THRAP3: variants seen among roughly 807,000 people sequenced by gnomAD.
The protein encoded by THRAP3 is thyroid hormone receptor-associated protein 3.
A neutral mutation model predicts 101.0 loss-of-function variants in THRAP3; 16 were observed. The observed-to-expected ratio is 0.16, with a 90% CI of 0.11 to 0.24. The LOEUF is 0.24. Ranked by LOEUF, THRAP3 falls within the 10% of genes least tolerant of loss-of-function variation. The pLI, the probability that THRAP3 is intolerant of heterozygous loss-of-function variation, is 1.00. For missense variants in THRAP3, 989 were observed against 1,202.7 expected, an observed-to-expected ratio of 0.82 and a Z score of 2.63; for synonymous variants, 407 against 422.6, an observed-to-expected ratio of 0.96 and a Z score of 0.45.
chr1:36,288,918 C>T (rs1228593470), intron 4 of THRAP3, 142 bp from the exon 5 acceptor site: 15 of 1,308,088 alleles, frequency 1.1e-5, no homozygotes, highest in South Asian at 8.2e-5. Flanking sequence ...ACGAAGTAAC[C>T]GCCTAGAAAG....
upstream of THRAP3, among the ~76,000 whole-genome samples, chr1:36,220,972 A>AAAAATAT (rs1285765741): frequency 4.2e-5 from 4 of 94,120 alleles, no homozygotes; most frequent in Admixed American, 1.4e-4. Context: ...AAAAAAAAAA[A>AAAAATAT]ATATATATAT....
At chr1:36,259,137 A>G (rs1645412254) in intron 1 of THRAP3, among the ~76,000 whole-genome samples, 1 of 152,202 alleles carries the variant, frequency 6.6e-6, no homozygotes, top group Non-Finnish European at 1.5e-5. Flanking sequence ...AGCACCTGAA[A>G]TATTGCCAGT....
At chr1:36,246,956 CATT>C (rs1645238860) in intron 1 of THRAP3, among the ~76,000 whole-genome samples, 1 of 152,168 alleles carries the variant, frequency 6.6e-6, no homozygotes, top group Non-Finnish European at 1.5e-5. Flanking sequence ...ACATTGTTCA[CATT>C]ATAACTTTTG....
At chr1:36,241,577 ATTTT>A (rs562173564) in intron 1 of THRAP3, among the ~76,000 whole-genome samples, 7 of 133,478 alleles carry the variant, frequency 5.2e-5, no homozygotes, top group African/African-American at 1.4e-4. Flanking sequence ...ATCCGCTAAA[ATTTT>A]TTTTTTTTTT....
chr1:36,250,131 T>C (rs11263868), intron 1 of THRAP3, among the ~76,000 whole-genome samples: 143,839 of 152,102 alleles, frequency 0.95, 68,552 homozygotes, highest in Middle Eastern at 1. Flanking sequence ...CTGGATATAT[T>C]ATCGACATTT....
At chr1:36,264,794 G>C (rs1315778832) in intron 2 of THRAP3, among the ~76,000 whole-genome samples, 1 of 151,948 alleles carries the variant, frequency 6.6e-6, no homozygotes, top group African/African-American at 2.4e-5. Context: ...AAATTGTGAA[G>C]ATATACAGAG....
upstream of THRAP3, among the ~76,000 whole-genome samples, chr1:36,223,400 T>C (rs1644919212): frequency 6.6e-6 from 1 of 152,194 alleles, no homozygotes; most frequent in South Asian, 2.1e-4. Flanking sequence ...CAGAAATCCA[T>C]CAAAACTGAT....
the THRAP3 span, among the ~76,000 whole-genome samples, chr1:36,215,813 G>A: frequency 1.3e-5 from 2 of 151,444 alleles, no homozygotes; most frequent in African/African-American, 4.9e-5. Context: ...GCAACGGCAC[G>A]ATCTCAGCTC....
chr1:36,231,839 T>C (rs1006919391), intron 1 of THRAP3, among the ~76,000 whole-genome samples: 5 of 152,200 alleles, frequency 3.3e-5, no homozygotes, highest in Non-Finnish European at 7.3e-5. Context: ...CTTGAAAGAC[T>C]ATCGGCTATC....
intron 1 of THRAP3, among the ~76,000 whole-genome samples, chr1:36,239,280 G>A (rs1298138035): frequency 1.9e-5 from 2 of 107,100 alleles, no homozygotes; most frequent in Admixed American, 2.4e-4. Context: ...TTTTTTTTGA[G>A]TCAGCTTCTC....
chr1:36,231,522 C>G (rs1382342439), intron 1 of THRAP3, among the ~76,000 whole-genome samples: 1 of 152,152 alleles, frequency 6.6e-6, no homozygotes, highest in Non-Finnish European at 1.5e-5. Context: ...GACATAACAA[C>G]TAAGGTTATT....
intron 1 of THRAP3, among the ~76,000 whole-genome samples, chr1:36,243,318 A>G (rs1409092356): frequency 2.0e-5 from 3 of 151,814 alleles, no homozygotes; most frequent in South Asian, 2.1e-4. Context: ...AAAGGTCTCT[A>G]GTTTTCCTAG....
At chr1:36,269,057 C>T (rs182503819) in intron 2 of THRAP3, among the ~76,000 whole-genome samples, 43 of 133,030 alleles carry the variant, frequency 3.2e-4, no homozygotes, top group African/African-American at 1.1e-3. Flanking sequence ...GAAAACAATA[C>T]ACAGAATTGG....
In THRAP3 at chr1:36,270,572, T is replaced by G. The variant is rs376687672; in HGVS notation, c.-32+11088T>G. Among the ~76,000 whole-genome samples the G allele has an allele frequency of 3.3e-3, 369 of 113,390 alleles. 11 individuals carry two copies. The highest frequency in any genetic ancestry group is 0.012 in the African/African-American group (331 of 28,052). 74.4% of individuals were successfully genotyped at this position (113,390 alleles called of 152,430 possible). A position where few individuals can be genotyped will look rare whatever the true frequency, so the allele number is the denominator to read the frequency against. ...AAAAATACAGTTCTATTTGTTTAGG[T>G]TTTTGTTTTTTTTTTTTTTTTTGAG... On this transcript the variant is annotated intron_variant, in intron 2 of 11. Coordinates refer to ENST00000354618, the MANE Select transcript of THRAP3 (RefSeq NM_005119.4).
rs767508291 is a variant in THRAP3 at position 36,293,894 on chromosome 1, G to T, written c.2074G>T (p.Ala692Ser). The change falls in exon 8 of 12, where the codon GCT (alanine) becomes TCT (serine). Residue 692 changes from alanine (A) to serine (S), a missense_variant. Transcript: ENST00000354618. The part of the protein sequence containing the change: ...SPSTFRKHGL[A>S]HDEMKSPREP... ...CAGTACATTCAGAAAACATGGTTTG[G>T]CTCATGATGAAATGAAAAGTCCCCG... 6.2e-7 allele frequency: 1 copy of T among 1,613,602 alleles called. No individual in the cohort carries two copies. Among genetic ancestry groups the T allele is most frequent in the Admixed American group, 1.7e-5 (1 of 59,968 alleles).
chr1:36,229,656 T>C (rs7417072), intron 1 of THRAP3, among the ~76,000 whole-genome samples: 2 of 126,616 alleles, frequency 1.6e-5, no homozygotes, highest in African/African-American at 5.1e-5. Flanking sequence ...TTTGTTCGTT[T>C]GTTTGTTTGT....
At chr1:36,223,906 CCTTA>C (rs1399635399), upstream of THRAP3, among the ~76,000 whole-genome samples, 2 of 152,188 alleles carry the variant, frequency 1.3e-5, no homozygotes, top group Non-Finnish European at 1.5e-5. Context: ...CTTTCCTGTG[CCTTA>C]CTTTGTCGGA....
upstream of THRAP3, among the ~76,000 whole-genome samples, chr1:36,221,044 G>C (rs1198334491): frequency 1.4e-4 from 20 of 144,552 alleles, no homozygotes; most frequent in Non-Finnish European, 1.8e-4. Flanking sequence ...TTTTAGCTCA[G>C]CATGGTGGTA....
At chr1:36,235,604 A>C (rs1388111979) in intron 1 of THRAP3, among the ~76,000 whole-genome samples, 1 of 152,180 alleles carries the variant, frequency 6.6e-6, no homozygotes, top group Non-Finnish European at 1.5e-5. Flanking sequence ...GTGACAAAAA[A>C]ATATGATGAT....
Sources: allele counts gnomAD v4.1 joint callset (sites outside exome capture counted in the v4.1 genomes callset), GRCh38; gene constraint gnomAD v4.1.1; transcripts MANE v1.5; gene names NCBI Gene and HGNC (gene_info 2026-07-23, HGNC 2026-07-21).